SGPL1: variants seen among roughly 807,000 people sequenced by gnomAD.
SGPL1 encodes SP-lyase 1.
Under a neutral mutation model 68.9 loss-of-function variants are expected in SGPL1, and 37 were observed. The ratio of observed to expected loss-of-function variants is 0.54; its 90% CI spans 0.41 to 0.71. The LOEUF (loss-of-function observed/expected upper bound fraction) is 0.71. Among genes scored for constraint, SGPL1 ranks in the 30% least tolerant of loss-of-function variants. The probability of loss-of-function intolerance (pLI) is 0.00; values close to 1 mark genes in which losing one functional copy is unlikely to be tolerated. For synonymous variants in SGPL1, 236 were observed against 248.5 expected (o/e 0.95, Z 0.47); for missense variants, 551 against 704.6 (o/e 0.78, Z 2.47).
intron 7 of SGPL1, among the ~76,000 whole-genome samples, chr10:70,864,071 AT>A (rs3998627): frequency 0.21 from 31,346 of 149,222 alleles, 3,426 homozygotes; most frequent in East Asian, 0.35. Context: ...ATAGGTTTAA[AT>A]TTTTTTTTTT....
intron 7 of SGPL1, among the ~76,000 whole-genome samples, chr10:70,863,573 TC>T (rs2131924350): frequency 6.6e-6 from 1 of 152,252 alleles, no homozygotes; most frequent in Non-Finnish European, 1.5e-5. Flanking sequence ...GTCTGGAAGT[TC>T]TCTTCTTCCA....
At chr10:70,828,545 A>G (rs1845475403) in intron 2 of SGPL1, among the ~76,000 whole-genome samples, 1 of 152,210 alleles carries the variant, frequency 6.6e-6, no homozygotes, top group Admixed American at 6.5e-5. Flanking sequence ...TAATTTCCCC[A>G]GAGAGTAAAG....
At chr10:70,821,124 T>C in intron 2 of SGPL1, among the ~76,000 whole-genome samples, 1 of 152,218 alleles carries the variant, frequency 6.6e-6, no homozygotes, top group East Asian at 1.9e-4. Flanking sequence ...TTCCATTTGC[T>C]CGTATGTGAT....
intron 2 of SGPL1, among the ~76,000 whole-genome samples, chr10:70,822,520 T>C (rs1392089976): frequency 2.0e-5 from 3 of 152,188 alleles, no homozygotes; most frequent in East Asian, 3.8e-4. Flanking sequence ...AGAATTTCCA[T>C]AGGGAATTGA....
intron 4 of SGPL1, among the ~76,000 whole-genome samples, chr10:70,852,730 G>C (rs1668208765): frequency 6.8e-6 from 1 of 146,874 alleles, no homozygotes; most frequent in South Asian, 2.1e-4. Context: ...GTGTGTGTGC[G>C]CGCGCACGCG....
intron 2 of SGPL1, among the ~76,000 whole-genome samples, chr10:70,837,543 A>G (rs909270713): frequency 2.0e-5 from 3 of 152,168 alleles, no homozygotes; most frequent in African/African-American, 7.2e-5. Flanking sequence ...GTGAACTCTG[A>G]TCCCTGTAAA....
chr10:70,836,598 T>C (rs1845631336), intron 2 of SGPL1, among the ~76,000 whole-genome samples: 1 of 151,878 alleles, frequency 6.6e-6, no homozygotes, highest in Non-Finnish European at 1.5e-5. Flanking sequence ...TGAGATAGAG[T>C]CTCACTCTGC....
intron 2 of SGPL1, among the ~76,000 whole-genome samples, chr10:70,843,884 A>C (rs1845753165): frequency 6.6e-6 from 1 of 152,236 alleles, no homozygotes; most frequent in Non-Finnish European, 1.5e-5. Flanking sequence ...AAATTATATG[A>C]AATTCAAGTT....
At position 70,816,815 on chromosome 10, in the gene SGPL1, TGAAAAAGGGGAGC is replaced by T; in HGVS notation, c.-37_-25del. On this transcript the variant is annotated 5_prime_UTR_variant, in exon 2 of 15. Transcript: ENST00000373202. Reference sequence around the variant, plus strand: ...AAACCTGGTTCCCTTTTACAGAGTCTGAAAAAGGGGAGCGCGGAGAGGAGGCTGGAAGAGGAAG... The same window carrying T: ...AAACCTGGTTCCCTTTTACAGAGTCTGCGGAGAGGAGGCTGGAAGAGGAAG... 2 of 1,610,808 alleles carry T rather than the reference TGAAAAAGGGGAGC, an allele frequency of 1.2e-6. No homozygotes were observed. Among genetic ancestry groups the T allele is most frequent in the Non-Finnish European group, 1.7e-6 (2 of 1,177,034 alleles).
At position 70,849,015 on chromosome 10, in the gene SGPL1, G is replaced by A. The variant is rs766271500; in HGVS notation, c.194-2128G>A. On this transcript the variant is annotated intron_variant, in intron 3 of 14. Coordinates refer to ENST00000373202, the MANE Select transcript of SGPL1 (RefSeq NM_003901.4). Reference sequence around the variant, plus strand: ...TTTGAGATAATCTTTTTAGGTCAGGGCCATGGGATCTTTTTATTTTTAGTT... The same window carrying A: ...TTTGAGATAATCTTTTTAGGTCAGGACCATGGGATCTTTTTATTTTTAGTT... Among the ~76,000 whole-genome samples the A allele has an allele frequency of 2.4e-4, 36 of 152,126 alleles. 1 individual carries two copies. Among genetic ancestry groups the A allele is most frequent in the Middle Eastern group, 3.4e-3 (1 of 292 alleles).
chr10:70,851,248 G>C (rs1449234518), intron 4 of SGPL1, 38 bp downstream of exon 4: 1 of 1,471,292 alleles, frequency 6.8e-7, no homozygotes, highest in Non-Finnish European at 9.5e-7. Context: ...TTCCCCTCTT[G>C]ATAATCATAC....
At chr10:70,851,905 T>G (rs1270222623) in intron 4 of SGPL1, among the ~76,000 whole-genome samples, 1 of 152,208 alleles carries the variant, frequency 6.6e-6, no homozygotes, top group Non-Finnish European at 1.5e-5. Context: ...GATCCCAAGT[T>G]GCACAGCGCT....
intron 2 of SGPL1, among the ~76,000 whole-genome samples, chr10:70,823,651 C>T (rs936849535): frequency 7.0e-6 from 1 of 143,180 alleles, no homozygotes; most frequent in African/African-American, 2.6e-5. Flanking sequence ...AACCATAACT[C>T]AAAATCTTCA....
At chr10:70,819,371 T>C (rs1564615337) in intron 2 of SGPL1, among the ~76,000 whole-genome samples, 1 of 152,238 alleles carries the variant, frequency 6.6e-6, no homozygotes. Context: ...ACTGGAAAAG[T>C]TGTCATTCAT....
intron 2 of SGPL1, among the ~76,000 whole-genome samples, chr10:70,836,084 T>C (rs868611765): frequency 1.3e-5 from 2 of 152,204 alleles, no homozygotes; most frequent in South Asian, 4.1e-4. Flanking sequence ...TGAGCAAAAT[T>C]GCCACATTTT....
In SGPL1 at chr10:70,828,961, G is replaced by C. The variant is rs868812545; in HGVS notation, c.27+12081G>C. Among the ~76,000 whole-genome samples, 5 of 152,180 alleles carry C rather than the reference G, an allele frequency of 3.3e-5. No individual in the cohort carries two copies. In the South Asian group the frequency reaches 8.3e-4, roughly 25 times the overall value. Reference sequence around the variant, plus strand: ...TTCTTCTGAAAGGGGATGCCTTTCAGAAGTGTCCTGAAGGGCGCTGGGGAG... The same window carrying C: ...TTCTTCTGAAAGGGGATGCCTTTCACAAGTGTCCTGAAGGGCGCTGGGGAG... On this transcript the variant is annotated intron_variant, in intron 2 of 14. Coordinates refer to ENST00000373202, the MANE Select transcript of SGPL1 (RefSeq NM_003901.4).
intron 5 of SGPL1, 22 bp from the exon 6 acceptor site, chr10:70,857,585 CTGACCAG>C: frequency 6.3e-7 from 1 of 1,577,336 alleles, no homozygotes; most frequent in Non-Finnish European, 8.7e-7. Flanking sequence ...TTCTTGCTTA[CTGACCAG>C]TGACCTTACC....
intron 7 of SGPL1, among the ~76,000 whole-genome samples, chr10:70,862,040 G>A (rs991936045): frequency 7.3e-5 from 11 of 149,736 alleles, no homozygotes; most frequent in Middle Eastern, 3.4e-3. Flanking sequence ...GCACAGCGCA[G>A]GACTGGCAGG....
At position 70,878,800 on chromosome 10, in the gene SGPL1, C is replaced by G. The variant is rs1197191719; in HGVS notation, c.*1465C>G. On this transcript the variant is annotated 3_prime_UTR_variant, in exon 15 of 15. Transcript: ENST00000373202. ...CAGAGGTACTATGGCAGTTTTGCCTCAGGTGCTGAACATTTCTCAGCCCTG... is the reference window on the plus strand; with the variant it reads ...CAGAGGTACTATGGCAGTTTTGCCTGAGGTGCTGAACATTTCTCAGCCCTG... 2.6e-5 allele frequency: 4 copies of G among 152,280 alleles called. No individual in the cohort carries two copies. The highest frequency in any genetic ancestry group is 4.4e-5 in the Non-Finnish European group (3 of 68,074). The allele number at this position is 152,280 out of a possible 1,614,324, so 9.4% of individuals were successfully genotyped here.
Sources: allele counts gnomAD v4.1 joint callset (sites outside exome capture counted in the v4.1 genomes callset), GRCh38; gene constraint gnomAD v4.1.1; transcripts MANE v1.5; gene names NCBI Gene and HGNC (gene_info 2026-07-23, HGNC 2026-07-21).